Variants in CD86 observed in about 807,000 individuals in gnomAD.
CD86 encodes the protein T-lymphocyte activation antigen CD86.
CD86 carries 11 observed loss-of-function variants against 32.1 expected under a neutral mutation model. The observed-to-expected ratio is 0.34, with a 90% CI of 0.22 to 0.57. The LOEUF (loss-of-function observed/expected upper bound fraction) is 0.57. Among genes scored for constraint, CD86 ranks in the 20% least tolerant of loss-of-function variants. CD86 has a pLI of 0.86. For missense variants in CD86, 359 were observed against 398.4 expected (o/e 0.90, Z 0.84); for synonymous variants, 137 against 135.3 (o/e 1.01, Z -0.09).
At chr3:122,067,512 A>G (rs188000814) in intron 1 of CD86, among the ~76,000 whole-genome samples, 207 of 152,352 alleles carry the variant, frequency 1.4e-3, no homozygotes, top group Middle Eastern at 3.4e-3. Flanking sequence ...CAAAACAAAA[A>G]CACAGAAAAT....
At chr3:122,105,680 T>G (rs1171501586) in intron 3 of CD86, among the ~76,000 whole-genome samples, 1 of 152,222 alleles carries the variant, frequency 6.6e-6, no homozygotes, top group Admixed American at 6.5e-5. Flanking sequence ...GTTCTGAATT[T>G]CGAATTCCAA....
chr3:122,103,469 TCC>T lies in CD86; in HGVS notation c.65-42_65-41del. The T allele has an allele frequency of 5.1e-6, 7 of 1,368,672 alleles. No homozygotes were observed. The Admixed American group carries it at 6.3e-5, about 12-fold the overall frequency. 84.8% of individuals were successfully genotyped at this position (1,368,672 alleles called of 1,614,324 possible). A position where few individuals can be genotyped will look rare whatever the true frequency, so the allele number is the denominator to read the frequency against. Reference sequence around the variant, plus strand: ...AGAGAAATGGAGGTTTTTTCCCCTTTCCTCTTGTTTCTCCCTCCCTAATCCTT... The same window carrying T: ...AGAGAAATGGAGGTTTTTTCCCCTTTTCTTGTTTCTCCCTCCCTAATCCTT... On this transcript the variant is annotated intron_variant, in intron 2 of 6. Coordinates refer to ENST00000330540, the MANE Select transcript of CD86 (RefSeq NM_175862.5).
At chr3:122,078,847 A>G (rs1479661741) in intron 1 of CD86, among the ~76,000 whole-genome samples, 1 of 152,230 alleles carries the variant, frequency 6.6e-6, no homozygotes, top group Non-Finnish European at 1.5e-5. Flanking sequence ...TTTATCTTAC[A>G]TGTAACCTCA....
chr3:122,070,962 A>T (rs1351113040), intron 1 of CD86, among the ~76,000 whole-genome samples: 1 of 152,124 alleles, frequency 6.6e-6, no homozygotes, highest in Non-Finnish European at 1.5e-5. Context: ...TTTTTAATTA[A>T]CAGACTTTAC....
intron 5 of CD86, among the ~76,000 whole-genome samples, chr3:122,114,733 A>G (rs1439043669): frequency 2.0e-5 from 3 of 152,234 alleles, no homozygotes; most frequent in Non-Finnish European, 4.4e-5. Flanking sequence ...CCTTTACTAC[A>G]TAAATAAACT....
At position 122,119,862 on chromosome 3, in the gene CD86, G is replaced by GT. The variant is rs5852291; in HGVS notation, c.*338dup. The GT allele has an allele frequency of 0.011, 1,938 of 176,436 alleles. 21 individuals are homozygous for GT. Among genetic ancestry groups the GT allele is most frequent in the South Asian group, 0.035 (202 of 5,828 alleles). 10.9% of individuals were successfully genotyped at this position (176,436 alleles called of 1,614,324 possible). A position where few individuals can be genotyped will look rare whatever the true frequency, so the allele number is the denominator to read the frequency against. Reference sequence around the variant, plus strand: ...TTCTTCTCTTAATTTCATAGATTGTGTTTTTTTTTTAAATAGACCTCTCAA... The same window carrying GT: ...TTCTTCTCTTAATTTCATAGATTGTGTTTTTTTTTTTAAATAGACCTCTCAA... On this transcript the variant is annotated 3_prime_UTR_variant, in exon 7 of 7. Coordinates refer to ENST00000330540, the MANE Select transcript of CD86 (RefSeq NM_175862.5).
At chr3:122,117,500 A>G (rs1325930139) in intron 5 of CD86, among the ~76,000 whole-genome samples, 1 of 152,256 alleles carries the variant, frequency 6.6e-6, no homozygotes, top group Non-Finnish European at 1.5e-5. Flanking sequence ...GTCAGCCTAG[A>G]GAAATTTACA....
rs200121473 is a variant in CD86, at chr3:122,109,376, A to G, written c.815A>G (p.Lys272Arg). Reference protein sequence around the residue: ...VFCLILWKWKKKKRPRNSYKC... With the variant: ...VFCLILWKWKRKKRPRNSYKC... The stretch of plus-strand genomic sequence containing the variant: ...TGTCTAATTCTATGGAAATGGAAGA[A>G]GAAGAAGCGGCCTCGCAACTCTTAT... The change falls in exon 5 of 7, where the codon AAG becomes AGG. Residue 272 changes from lysine to arginine, a missense_variant. Physicochemically the swap from Lys to Arg is conservative, Grantham distance 26. Coordinates refer to ENST00000330540, the MANE Select transcript of CD86 (RefSeq NM_175862.5). 5 of 1,614,168 alleles carry G rather than the reference A, an allele frequency of 3.1e-6. No homozygotes were observed. The African/African-American group carries it at 5.3e-5, about 17-fold the overall frequency.
intron 5 of CD86, among the ~76,000 whole-genome samples, chr3:122,116,555 C>T (rs964822024): frequency 6.6e-6 from 1 of 152,172 alleles, no homozygotes; most frequent in Non-Finnish European, 1.5e-5. Context: ...AAATCCTAGA[C>T]ATTTACCAAA....
At chr3:122,094,953 C>A (rs531986552) in intron 2 of CD86, among the ~76,000 whole-genome samples, 46 of 152,326 alleles carry the variant, frequency 3.0e-4, no homozygotes, top group African/African-American at 1.1e-3. Context: ...ACTGTCCTGG[C>A]ACCTCCATCA....
In CD86 at chr3:122,109,317, A is replaced by G; in HGVS notation, c.756A>G (p.Val252=). 6.2e-7 allele frequency: 1 copy of G among 1,614,056 alleles called. No individual in the cohort carries two copies. Among genetic ancestry groups the G allele is most frequent in the Non-Finnish European group, 8.5e-7 (1 of 1,179,938 alleles). The change falls in exon 5 of 7, where the codon GTA becomes GTG. Residue 252 remains valine, a synonymous_variant. Coordinates refer to ENST00000330540, the MANE Select transcript of CD86 (RefSeq NM_175862.5). The part of the protein sequence containing the change: ...PPDHIPWITA[V]LPTVIICVMV... The stretch of plus-strand genomic sequence containing the variant: ...ACCACATTCCTTGGATTACAGCTGT[A>G]CTTCCAACAGTTATTATATGTGTGA...
At chr3:122,060,333 G>A (rs556929665) in intron 1 of CD86, among the ~76,000 whole-genome samples, 1 of 152,276 alleles carries the variant, frequency 6.6e-6, no homozygotes, top group Non-Finnish European at 1.5e-5. Flanking sequence ...GTAGACTTTG[G>A]AGAGCTTGGA....
chr3:122,057,150 G>A (rs898854574), intron 1 of CD86, among the ~76,000 whole-genome samples: 4 of 152,138 alleles, frequency 2.6e-5, no homozygotes, highest in African/African-American at 7.2e-5. Context: ...CCCTAGTTGC[G>A]CACTAGTGGT....
intron 2 of CD86, 68 bp downstream of exon 2, chr3:122,091,718 GC>G: frequency 7.7e-7 from 1 of 1,298,498 alleles, no homozygotes; most frequent in Non-Finnish European, 1.1e-6. Context: ...ACCACAGCAA[GC>G]CCAGGCCTGA....
At chr3:122,096,261 T>C (rs527948874) in intron 2 of CD86, among the ~76,000 whole-genome samples, 1 of 152,286 alleles carries the variant, frequency 6.6e-6, no homozygotes, top group South Asian at 2.1e-4. Flanking sequence ...TGTTTTGCTT[T>C]AGAGACGGGG....
intron 5 of CD86, among the ~76,000 whole-genome samples, chr3:122,110,016 T>G (rs1168853086): frequency 6.6e-6 from 1 of 152,180 alleles, no homozygotes; most frequent in African/African-American, 2.4e-5. Context: ...CTTTAAGATT[T>G]TTCTGTGTAT....
chr3:122,067,015 A>G (rs930130127), intron 1 of CD86, among the ~76,000 whole-genome samples: 1 of 152,148 alleles, frequency 6.6e-6, no homozygotes, highest in Non-Finnish European at 1.5e-5. Context: ...AGGCAGAAGA[A>G]ACAGCTTCCA....
intron 1 of CD86, among the ~76,000 whole-genome samples, chr3:122,075,738 C>G (rs2072546351): frequency 6.6e-6 from 1 of 152,190 alleles, no homozygotes; most frequent in African/African-American, 2.4e-5. Context: ...GCCTGCCTCA[C>G]CATTCATCTC....
chr3:122,060,776 T>C (rs995146224), intron 1 of CD86, among the ~76,000 whole-genome samples: 2 of 152,198 alleles, frequency 1.3e-5, no homozygotes, highest in Non-Finnish European at 2.9e-5. Flanking sequence ...GCACATAACA[T>C]ACAGATTCTA....
Sources: gnomAD v4.1 joint callset for allele counts (sites outside exome capture counted in the v4.1 genomes callset) on GRCh38, gnomAD v4.1.1 for gene constraint, MANE v1.5 for transcripts, NCBI Gene and HGNC (gene_info 2026-07-23, HGNC 2026-07-21) for gene names.